NLN: variants seen among roughly 807,000 people sequenced by gnomAD.
NLN encodes neurolysin.
NLN carries 64 observed loss-of-function variants against 79.9 expected under a neutral mutation model. That is an observed-to-expected ratio of 0.80 (90% CI 0.65 to 0.99). The LOEUF (loss-of-function observed/expected upper bound fraction) is 0.99, where lower values mean the gene tolerates loss of function less well. Ranked by LOEUF, NLN falls within the 50% of genes least tolerant of loss-of-function variation. The pLI, the probability that NLN is intolerant of heterozygous loss-of-function variation, is 0.00. For missense variants in NLN, 835 were observed against 858.7 expected (o/e 0.97, Z 0.34); for synonymous variants, 267 against 296.6 (o/e 0.90, Z 1.02).
chr5:65,788,254 G>A lies in NLN; in HGVS notation c.1095G>A (p.Met365Ile). Residue 365 changes from methionine (M) to isoleucine (I), a missense_variant, in exon 8 of 13, where the codon ATG (methionine) becomes ATA (isoleucine). By Grantham distance (10) the Met-to-Ile change is conservative. Transcript: ENST00000380985. Reference protein sequence around the residue: ...KINAWDLYYYMTQTEELKYSI... With the variant: ...KINAWDLYYYITQTEELKYSI... ...ATGCCTGGGATCTATATTACTACAT[G>A]ACTCAGACAGAGGAACTCAAGTATT... 1 of 1,614,134 alleles carries A rather than the reference G, an allele frequency of 6.2e-7. No individual in the cohort carries two copies. The highest frequency in any genetic ancestry group is 2.2e-5 in the East Asian group (1 of 44,880).
intron 9 of NLN, among the ~76,000 whole-genome samples, chr5:65,799,766 T>G (rs1760243647): frequency 6.6e-6 from 1 of 152,242 alleles, no homozygotes; most frequent in Non-Finnish European, 1.5e-5. Context: ...ACTGAACTGT[T>G]GAACTATAGG....
At chr5:65,758,162 T>G (rs1759261734) in intron 1 of NLN, among the ~76,000 whole-genome samples, 1 of 151,930 alleles carries the variant, frequency 6.6e-6, no homozygotes, top group African/African-American at 2.4e-5. Flanking sequence ...CTTGAGTCCA[T>G]GAGGTCAAGG....
rs368411618 is a variant in NLN, at chr5:65,747,972, G to T, written c.42-10595G>T. Among the ~76,000 whole-genome samples, 39 of 152,248 alleles carry T rather than the reference G, an allele frequency of 2.6e-4. 1 individual carries two copies. Among genetic ancestry groups the T allele is most frequent in the African/African-American group, 8.7e-4 (36 of 41,536 alleles). On this transcript the variant is annotated intron_variant, in intron 1 of 12. Transcript: ENST00000380985. ...TCCTAGCACTTTGGGAGGCCAAGAC[G>T]GGTGGATCACCTGAGGTCAGGAGTT...
intron 3 of NLN, among the ~76,000 whole-genome samples, chr5:65,775,574 T>C (rs960608655): frequency 2.6e-5 from 4 of 152,206 alleles, no homozygotes; most frequent in Admixed American, 2.6e-4. Flanking sequence ...TCACACTGTC[T>C]AGAGACTCCT....
intron 3 of NLN, among the ~76,000 whole-genome samples, chr5:65,775,276 A>T (rs113054808): frequency 1.6e-4 from 24 of 152,274 alleles, no homozygotes; most frequent in African/African-American, 5.8e-4. Flanking sequence ...TAGGGTAGGA[A>T]TTCTGCATTC....
At chr5:65,727,247 G>A (rs947556222) in intron 1 of NLN, among the ~76,000 whole-genome samples, 3 of 152,066 alleles carry the variant, frequency 2.0e-5, no homozygotes, top group Non-Finnish European at 2.9e-5. Context: ...GGCTCACTGC[G>A]GTCTCAAACT....
At chr5:65,736,669 T>C (rs1279128594) in intron 1 of NLN, among the ~76,000 whole-genome samples, 1 of 152,230 alleles carries the variant, frequency 6.6e-6, no homozygotes, top group Non-Finnish European at 1.5e-5. Flanking sequence ...AGTTTGAACA[T>C]GTTTTCGTGT....
chr5:65,756,851 C>A (rs1759230752), intron 1 of NLN, among the ~76,000 whole-genome samples: 1 of 152,132 alleles, frequency 6.6e-6, no homozygotes, highest in African/African-American at 2.4e-5. Flanking sequence ...TGCTAAATGA[C>A]CTTACTTACC....
chr5:65,808,982 T>C lies in NLN; in HGVS notation c.1528-533T>C, dbSNP rs2150773358. ...TGTTGTGATTTAACTCTTTAATTAA[T>C]TTTGGTTAAGACCTAAGTAGTTAAG... On this transcript the variant is annotated intron_variant, in intron 9 of 12. Coordinates refer to ENST00000380985, the MANE Select transcript of NLN (RefSeq NM_020726.5). 3 of 152,478 alleles carry C rather than the reference T, an allele frequency of 2.0e-5. 1 individual carries two copies. Among genetic ancestry groups the C allele is most frequent in the Middle Eastern group, 3.4e-3 (1 of 296 alleles). The allele number at this position is 152,478 out of a possible 1,614,324, so 9.4% of individuals were successfully genotyped here. A position where few individuals can be genotyped will look rare whatever the true frequency, so the allele number is the denominator to read the frequency against.
chr5:65,781,621 G>T (rs1365149777), intron 6 of NLN, among the ~76,000 whole-genome samples, 200 bp downstream of exon 6: 1 of 152,126 alleles, frequency 6.6e-6, no homozygotes, highest in East Asian at 1.9e-4. Context: ...AGGATAAGCT[G>T]TTCTAATAAA....
chr5:65,791,788 C>A (rs1269473456), intron 8 of NLN, among the ~76,000 whole-genome samples: 1 of 151,864 alleles, frequency 6.6e-6, no homozygotes, highest in African/African-American at 2.4e-5. Context: ...GGGGAAAGGA[C>A]ACGTACTCCC....
intron 3 of NLN, among the ~76,000 whole-genome samples, chr5:65,771,214 A>G (rs1301451): frequency 0.28 from 42,275 of 152,080 alleles, 7,037 homozygotes; most frequent in East Asian, 0.54. Flanking sequence ...GGACTTCCTC[A>G]TCCTTTTAAG....
At chr5:65,801,060 A>C (rs1053356535) in intron 9 of NLN, among the ~76,000 whole-genome samples, 1 of 152,122 alleles carries the variant, frequency 6.6e-6, no homozygotes, top group African/African-American at 2.4e-5. Context: ...CTAAGTTTAC[A>C]TTGTTTTCTA....
chr5:65,806,546 GA>G (rs1233801722), intron 9 of NLN, among the ~76,000 whole-genome samples: 1 of 152,196 alleles, frequency 6.6e-6, no homozygotes, highest in African/African-American at 2.4e-5. Flanking sequence ...AGTGGAGCCT[GA>G]AGATGTGACT....
At chr5:65,775,993 C>A (rs988046136) in intron 3 of NLN, among the ~76,000 whole-genome samples, 1 of 152,236 alleles carries the variant, frequency 6.6e-6, no homozygotes, top group Non-Finnish European at 1.5e-5. Flanking sequence ...TCACTCAAAC[C>A]TGCAATCCCA....
rs1339842899 is a variant in NLN, at chr5:65,781,393, AAATGGCTTTT to A, written c.798_807del (p.Met266IlefsTer10). ...ATCCCTGAAACCAGAAGAAGGATGG[AAATGGCTTTT>A]AATACAAGGTGCAAAGAGGTATTAT... is the stretch of plus-strand genomic sequence containing the variant. On this transcript the variant is annotated frameshift_variant, in exon 6 of 13. Coordinates refer to ENST00000380985, the MANE Select transcript of NLN (RefSeq NM_020726.5). LOFTEE classifies it high-confidence loss of function. 3 of 1,609,200 alleles carry A rather than the reference AAATGGCTTTT, an allele frequency of 1.9e-6. No homozygotes were observed. In the African/African-American group the frequency reaches 4.0e-5, roughly 22 times the overall value.
intron 6 of NLN, among the ~76,000 whole-genome samples, 167 bp downstream of exon 6, chr5:65,781,588 G>C (rs1157812384): frequency 6.6e-6 from 1 of 152,116 alleles, no homozygotes; most frequent in Non-Finnish European, 1.5e-5. Flanking sequence ...ATTGCTCATT[G>C]ACAACCTGCT....
chr5:65,800,232 C>T (rs1760254247), intron 9 of NLN, among the ~76,000 whole-genome samples: 1 of 152,206 alleles, frequency 6.6e-6, no homozygotes, highest in Non-Finnish European at 1.5e-5. Flanking sequence ...AGCAGAAGCT[C>T]ATAGGACTTC....
At chr5:65,808,242 G>T (rs543322978) in intron 9 of NLN, among the ~76,000 whole-genome samples, 19 of 152,314 alleles carry the variant, frequency 1.2e-4, no homozygotes, top group African/African-American at 4.3e-4. Flanking sequence ...CAGAATGTGA[G>T]ATGGCGTTGA....
Sources: allele counts gnomAD v4.1 joint callset (sites outside exome capture counted in the v4.1 genomes callset), GRCh38; gene constraint gnomAD v4.1.1; transcripts MANE v1.5; gene names NCBI Gene and HGNC (gene_info 2026-07-23, HGNC 2026-07-21).